ASIC2: variants seen among roughly 807,000 people sequenced by gnomAD.
ASIC2 encodes the protein acid-sensing ion channel 2.
Under a neutral mutation model 57.3 loss-of-function variants are expected in ASIC2, and 25 were observed. That is an observed-to-expected ratio of 0.44 (90% CI 0.32 to 0.61). The LOEUF (loss-of-function observed/expected upper bound fraction) is 0.61. Among genes scored for constraint, ASIC2 ranks in the 20% least tolerant of loss-of-function variants. The pLI is 0.06. For missense variants in ASIC2, 641 were observed against 738.1 expected, an observed-to-expected ratio of 0.87 and a Z score of 1.52; for synonymous variants, 319 against 307.5, an observed-to-expected ratio of 1.04 and a Z score of -0.39.
At chr17:33,928,525 A>G (rs1186836131) in intron 1 of ASIC2, among the ~76,000 whole-genome samples, 1 of 152,214 alleles carries the variant, frequency 6.6e-6, no homozygotes, top group East Asian at 1.9e-4. Context: ...AGCTGGCCCA[A>G]GTGCAGCCAA....
intron 1 of ASIC2, among the ~76,000 whole-genome samples, chr17:33,585,848 A>G (rs1904611895): frequency 6.6e-6 from 1 of 152,162 alleles, no homozygotes; most frequent in Non-Finnish European, 1.5e-5. Flanking sequence ...TTTATTACAT[A>G]TATGTCTTGA....
At chr17:33,563,783 A>C (rs1002926246) in intron 1 of ASIC2, among the ~76,000 whole-genome samples, 1 of 152,160 alleles carries the variant, frequency 6.6e-6, no homozygotes, top group Non-Finnish European at 1.5e-5. Context: ...ATGGGGAGTG[A>C]CTTGCCCAAG....
chr17:34,152,982 A>G (rs920030115), intron 1 of ASIC2, among the ~76,000 whole-genome samples: 5 of 152,316 alleles, frequency 3.3e-5, no homozygotes, highest in South Asian at 4.1e-4. Context: ...CTAAGAGTGT[A>G]CTTGCATGAG....
intron 1 of ASIC2, among the ~76,000 whole-genome samples, chr17:34,066,519 A>G (rs1909178358): frequency 6.6e-6 from 1 of 152,166 alleles, no homozygotes; most frequent in South Asian, 2.1e-4. Context: ...CGAGGTCATC[A>G]CTGAGTGGAG....
chr17:33,662,689 T>TAA (rs1412249352), intron 1 of ASIC2, among the ~76,000 whole-genome samples: 4 of 150,688 alleles, frequency 2.7e-5, no homozygotes, highest in Admixed American at 6.6e-5. Context: ...AAAAATGAAG[T>TAA]AAGTTCTACT....
At chr17:33,522,509 G>A (rs1914772590) in intron 1 of ASIC2, among the ~76,000 whole-genome samples, 1 of 152,138 alleles carries the variant, frequency 6.6e-6, no homozygotes, top group African/African-American at 2.4e-5. Flanking sequence ...TTGACTTTGA[G>A]CAACTCACTA....
At chr17:33,060,090 A>T (rs557381808) in intron 3 of ASIC2, among the ~76,000 whole-genome samples, 1 of 151,922 alleles carries the variant, frequency 6.6e-6, no homozygotes, top group South Asian at 2.1e-4. Context: ...GATTGCAAAA[A>T]TTTTTTCCCA....
intron 1 of ASIC2, among the ~76,000 whole-genome samples, chr17:33,663,591 A>C (rs924978324): frequency 3.9e-5 from 6 of 152,166 alleles, no homozygotes; most frequent in African/African-American, 1.4e-4. Context: ...TCATTTTGAA[A>C]GTCTTCCCTG....
intron 1 of ASIC2, among the ~76,000 whole-genome samples, chr17:33,420,705 C>A (rs1320039532): frequency 6.6e-6 from 1 of 152,132 alleles, no homozygotes; most frequent in African/African-American, 2.4e-5. Context: ...GAATTTGTAG[C>A]ATTTGCCTAT....
At chr17:33,249,156 CT>C (rs1908796246) in intron 1 of ASIC2, among the ~76,000 whole-genome samples, 1 of 151,986 alleles carries the variant, frequency 6.6e-6, no homozygotes, top group Admixed American at 6.5e-5. Flanking sequence ...AGGGTGAAGA[CT>C]GGCCACAAGA....
At chr17:33,674,136 G>T (rs770571230) in intron 1 of ASIC2, among the ~76,000 whole-genome samples, 1 of 151,988 alleles carries the variant, frequency 6.6e-6, no homozygotes, top group African/African-American at 2.4e-5. Context: ...TTCGTGATCC[G>T]CCCACCTCGG....
At chr17:33,845,482 T>G (rs938080021) in intron 1 of ASIC2, among the ~76,000 whole-genome samples, 1 of 152,098 alleles carries the variant, frequency 6.6e-6, no homozygotes, top group African/African-American at 2.4e-5. Flanking sequence ...TATGGTATAG[T>G]GGGAAGAACA....
intron 1 of ASIC2, among the ~76,000 whole-genome samples, chr17:33,163,612 G>T (rs558375171): frequency 6.6e-6 from 1 of 152,234 alleles, no homozygotes; most frequent in South Asian, 2.1e-4. Context: ...ACAAGTGTTC[G>T]TTGTACATTT....
intron 1 of ASIC2, among the ~76,000 whole-genome samples, chr17:34,080,224 A>G (rs1025679609): frequency 1.3e-5 from 2 of 152,224 alleles, no homozygotes; most frequent in African/African-American, 4.8e-5. Context: ...GACATCACAT[A>G]AAACCACTCA....
At chr17:33,572,035 C>T (rs1014937324) in intron 1 of ASIC2, 1 of 152,224 alleles carries the variant, frequency 6.6e-6, no homozygotes, top group African/African-American at 2.4e-5. Flanking sequence ...GCTAGAAGAT[C>T]TGGTGTTTCG....
intron 3 of ASIC2, among the ~76,000 whole-genome samples, chr17:33,047,934 T>C (rs890624753): frequency 6.6e-6 from 1 of 152,228 alleles, no homozygotes; most frequent in African/African-American, 2.4e-5. Context: ...TGTGATGGAC[T>C]GAATTGTCTG....
intron 1 of ASIC2, among the ~76,000 whole-genome samples, chr17:33,750,950 T>C (rs904767627): frequency 6.6e-6 from 1 of 152,158 alleles, no homozygotes; most frequent in African/African-American, 2.4e-5. Context: ...AGTAATAATG[T>C]TATCAGTCTT....
chr17:33,349,266 T>C (rs751618552), intron 1 of ASIC2, among the ~76,000 whole-genome samples: 2 of 152,226 alleles, frequency 1.3e-5, no homozygotes, highest in Non-Finnish European at 2.9e-5. Flanking sequence ...TAATTAAAAA[T>C]GTAAAATGCT....
At chr17:33,251,540 C>T (rs1908882250) in intron 1 of ASIC2, among the ~76,000 whole-genome samples, 1 of 152,128 alleles carries the variant, frequency 6.6e-6, no homozygotes, top group Non-Finnish European at 1.5e-5. Context: ...GTGGACTAGG[C>T]TGATCTTGAA....
Sources: gnomAD v4.1 joint callset for allele counts (sites outside exome capture counted in the v4.1 genomes callset) on GRCh38, gnomAD v4.1.1 for gene constraint, MANE v1.5 for transcripts, NCBI Gene and HGNC (gene_info 2026-07-23, HGNC 2026-07-21) for gene names.